The following CDK8 variants were observed in gnomAD, a reference collection of about 807,000 sequenced individuals.
The protein encoded by CDK8 is cyclin dependent kinase 8.
A neutral mutation model predicts 71.5 loss-of-function variants in CDK8; 29 were observed. The ratio of observed to expected loss-of-function variants is 0.41; its 90% CI spans 0.30 to 0.55. CDK8 has a LOEUF of 0.55. Among genes scored for constraint, CDK8 ranks in the 20% least tolerant of loss-of-function variants. The probability of loss-of-function intolerance (pLI) is 0.37; values close to 1 mark genes in which losing one functional copy is unlikely to be tolerated. For missense variants in CDK8, 288 were observed against 572.6 expected (o/e 0.50, Z 5.07); for synonymous variants, 161 against 192.1 (o/e 0.84, Z 1.34).
intron 4 of CDK8, among the ~76,000 whole-genome samples, chr13:26,375,128 A>C (rs1159913529): frequency 6.6e-6 from 1 of 152,174 alleles, no homozygotes; most frequent in East Asian, 1.9e-4. Flanking sequence ...GGATGCAAAC[A>C]ATATATTTAG....
chr13:26,374,939 A>G, intron 4 of CDK8, among the ~76,000 whole-genome samples: 1 of 152,194 alleles, frequency 6.6e-6, no homozygotes, highest in East Asian at 1.9e-4. Flanking sequence ...AGATGCATGC[A>G]GAAATGTTTT....
At chr13:26,339,835 A>AT (rs1293073708) in intron 2 of CDK8, among the ~76,000 whole-genome samples, 1 of 147,394 alleles carries the variant, frequency 6.8e-6, no homozygotes, top group Non-Finnish European at 1.5e-5. Flanking sequence ...ATTGCTTGGG[A>AT]TTTTTTCTAC....
At chr13:26,331,600 T>C (rs1199627658) in intron 1 of CDK8, among the ~76,000 whole-genome samples, 1 of 152,230 alleles carries the variant, frequency 6.6e-6, no homozygotes, top group African/African-American at 2.4e-5. Flanking sequence ...TTTTGTCAGC[T>C]TTGTCAAAGA....
At chr13:26,360,854 G>A (rs1346864633) in intron 4 of CDK8, among the ~76,000 whole-genome samples, 1 of 152,050 alleles carries the variant, frequency 6.6e-6, no homozygotes, top group Non-Finnish European at 1.5e-5. Flanking sequence ...ATTTACTGCA[G>A]TGAAGTGGTG....
intron 4 of CDK8, among the ~76,000 whole-genome samples, chr13:26,356,216 A>C (rs1873891146): frequency 6.6e-6 from 1 of 152,214 alleles, no homozygotes. Flanking sequence ...ATAATAAAGC[A>C]CATTAAAAGT....
rs373788955 is a variant in CDK8, at chr13:26,296,235, G to T, written c.129-41332G>T. Among the ~76,000 whole-genome samples the T allele has an allele frequency of 2.0e-4, 31 of 152,250 alleles. No homozygotes were observed. In the East Asian group the frequency reaches 4.8e-3, roughly 24 times the overall value. On this transcript the variant is annotated intron_variant, in intron 1 of 12. Transcript: ENST00000381527. ...TAAGGATATCAGAGAGGATCGAAAG[G>T]TTATAAGCACATCTTCCCCTAAGAC... is the stretch of plus-strand genomic sequence containing the variant.
At chr13:26,266,842 G>C (rs1872042281) in intron 1 of CDK8, among the ~76,000 whole-genome samples, 1 of 151,910 alleles carries the variant, frequency 6.6e-6, no homozygotes, top group Non-Finnish European at 1.5e-5. Context: ...TGCTATTCAG[G>C]ATATTTCTCA....
intron 9 of CDK8, among the ~76,000 whole-genome samples, chr13:26,398,439 T>C (rs1419612503): frequency 6.6e-6 from 1 of 152,162 alleles, no homozygotes; most frequent in Non-Finnish European, 1.5e-5. Flanking sequence ...TCTAGAGATA[T>C]ACCTTCCTTG....
intron 1 of CDK8, among the ~76,000 whole-genome samples, chr13:26,270,988 GCCTTTTTGATAATAGACAT>G (rs1258216409): frequency 1.3e-5 from 2 of 152,130 alleles, no homozygotes; most frequent in Admixed American, 1.3e-4. Flanking sequence ...CTTGTTTTCT[GCCTTTTTGATAATAGACAT>G]CCTTAAGGGT....
intron 1 of CDK8, among the ~76,000 whole-genome samples, chr13:26,268,567 C>T (rs904254053): frequency 2.6e-5 from 4 of 152,144 alleles, no homozygotes; most frequent in African/African-American, 7.2e-5. Context: ...CCTCCTGCCT[C>T]AGCCTCCTGA....
rs527888641 is a variant in CDK8, at chr13:26,275,773, A to C, written c.128+21004A>C. Among the ~76,000 whole-genome samples, 8 of 152,170 alleles carry C rather than the reference A, an allele frequency of 5.3e-5. No homozygotes were observed. In the South Asian group the frequency reaches 1.7e-3, roughly 32 times the overall value. On this transcript the variant is annotated intron_variant, in intron 1 of 12. Transcript: ENST00000381527. ...TTAAATTTTTTATTGCTGATTTTTT[A>C]GCTTGCTGTCTTAGATATTCATGTT... is the stretch of plus-strand genomic sequence containing the variant.
intron 6 of CDK8, among the ~76,000 whole-genome samples, chr13:26,389,523 C>A (rs1875644881): frequency 6.6e-6 from 1 of 152,024 alleles, no homozygotes; most frequent in South Asian, 2.1e-4. Flanking sequence ...ACAGAGGGAA[C>A]TGACTTGGGT....
intron 1 of CDK8, among the ~76,000 whole-genome samples, chr13:26,327,008 G>C (rs183425754): frequency 1.3e-5 from 2 of 152,146 alleles, no homozygotes; most frequent in African/African-American, 2.4e-5. Flanking sequence ...ACAAATCTAC[G>C]TGGCCCTTTA....
intron 1 of CDK8, among the ~76,000 whole-genome samples, chr13:26,299,446 C>T (rs1452339924): frequency 6.6e-6 from 1 of 152,186 alleles, no homozygotes; most frequent in Admixed American, 6.5e-5. Context: ...CAAACCTGTA[C>T]TGTGTACATG....
At chr13:26,388,052 T>C (rs1875563803) in intron 6 of CDK8, among the ~76,000 whole-genome samples, 1 of 152,206 alleles carries the variant, frequency 6.6e-6, no homozygotes. Flanking sequence ...TACTGTGCAG[T>C]TACACTTGTA....
At chr13:26,276,075 AT>A (rs147729646) in intron 1 of CDK8, among the ~76,000 whole-genome samples, 3,415 of 152,138 alleles carry the variant, frequency 0.022, 100 homozygotes, top group South Asian at 0.082. Flanking sequence ...GTTGGCTAGG[AT>A]GGTCTCGATC....
intron 2 of CDK8, among the ~76,000 whole-genome samples, chr13:26,342,995 G>A (rs2137982332): frequency 1.3e-5 from 2 of 152,162 alleles, no homozygotes; most frequent in Middle Eastern, 6.8e-3. Flanking sequence ...AGACACTCCT[G>A]GTGTCTCTCT....
At chr13:26,339,401 GA>G (rs1306612091) in intron 2 of CDK8, among the ~76,000 whole-genome samples, 1 of 151,950 alleles carries the variant, frequency 6.6e-6, no homozygotes, top group Non-Finnish European at 1.5e-5. Context: ...TGCAAAAAAA[GA>G]AAGTATACAT....
At chr13:26,301,183 G>C (rs921491734) in intron 1 of CDK8, among the ~76,000 whole-genome samples, 1 of 146,808 alleles carries the variant, frequency 6.8e-6, no homozygotes, top group Admixed American at 6.8e-5. Flanking sequence ...ATGGGGTTCA[G>C]CTTCAATAAA....
Sources: allele counts gnomAD v4.1 joint callset (sites outside exome capture counted in the v4.1 genomes callset), GRCh38; gene constraint gnomAD v4.1.1; transcripts MANE v1.5; gene names NCBI Gene and HGNC (gene_info 2026-07-23, HGNC 2026-07-21).